Variants in SBF2 observed in about 807,000 individuals in gnomAD.
SBF2 encodes SET binding factor 2, also known as myotubularin-related protein 13.
A neutral mutation model predicts 225.2 loss-of-function variants in SBF2; 112 were observed. That is an observed-to-expected ratio of 0.50 (90% CI 0.43 to 0.58). The LOEUF (loss-of-function observed/expected upper bound fraction) is 0.58. SBF2 is among the 20% of genes least tolerant of loss of function. SBF2 has a pLI of 0.00. For synonymous variants in SBF2, 763 were observed against 773.3 expected, an observed-to-expected ratio of 0.99 and a Z score of 0.22; for missense variants, 1,996 against 2,206.2, an observed-to-expected ratio of 0.90 and a Z score of 1.91.
chr11:9,987,856 C>G (rs1023416791), intron 13 of SBF2, among the ~76,000 whole-genome samples: 1 of 152,116 alleles, frequency 6.6e-6, no homozygotes, highest in Non-Finnish European at 1.5e-5. Context: ...AAGCAATCTA[C>G]AAATTCAATG....
intron 1 of SBF2, among the ~76,000 whole-genome samples, chr11:10,260,094 A>G (rs1313173013): frequency 6.6e-6 from 1 of 152,220 alleles, no homozygotes; most frequent in Non-Finnish European, 1.5e-5. Flanking sequence ...CCTGCCTGAC[A>G]GCAAAATAGT....
At chr11:9,814,210 C>T (rs1854341157) in intron 29 of SBF2, among the ~76,000 whole-genome samples, 1 of 152,210 alleles carries the variant, frequency 6.6e-6, no homozygotes, top group African/African-American at 2.4e-5. Context: ...TCTAACTTTT[C>T]ATGCCAAAGA....
At chr11:10,051,033 T>C (rs1264244895) in intron 2 of SBF2, among the ~76,000 whole-genome samples, 16 of 152,156 alleles carry the variant, frequency 1.1e-4, no homozygotes, top group Admixed American at 1.0e-3. Context: ...AATGTGCCCA[T>C]TTTTCTCAAA....
chr11:10,202,630 C>CA (rs1006755826), intron 1 of SBF2, among the ~76,000 whole-genome samples: 1 of 151,696 alleles, frequency 6.6e-6, no homozygotes, highest in Non-Finnish European at 1.5e-5. Context: ...CTAAAAATAA[C>CA]AAAAAAAATT....
intron 2 of SBF2, among the ~76,000 whole-genome samples, chr11:10,088,549 C>T (rs1239599249): frequency 6.6e-6 from 1 of 152,024 alleles, no homozygotes; most frequent in African/African-American, 2.4e-5. Flanking sequence ...CTGCTTCTAC[C>T]CAAGGTAGGG....
intron 10 of SBF2, among the ~76,000 whole-genome samples, chr11:9,993,388 G>C (rs1947528088): frequency 1.3e-5 from 2 of 151,930 alleles, no homozygotes. Context: ...TTAAGTATAT[G>C]TGTTCAGCTC....
intron 1 of SBF2, among the ~76,000 whole-genome samples, chr11:10,254,770 G>A (rs1475841583): frequency 6.6e-6 from 1 of 151,164 alleles, no homozygotes; most frequent in Non-Finnish European, 1.5e-5. Flanking sequence ...TGGGCATGGT[G>A]GTGCATGCCT....
intron 17 of SBF2, among the ~76,000 whole-genome samples, chr11:9,871,240 C>T (rs568139713): frequency 4.5e-4 from 69 of 151,918 alleles, no homozygotes; most frequent in African/African-American, 1.5e-3. Flanking sequence ...TTTTTGCAAT[C>T]TATCCATCTG....
intron 2 of SBF2, among the ~76,000 whole-genome samples, chr11:10,073,778 C>T (rs1950986334): frequency 6.6e-6 from 1 of 152,016 alleles, no homozygotes; most frequent in South Asian, 2.1e-4. Context: ...CATATGTAGA[C>T]CTTGTTTGGA....
intron 2 of SBF2, among the ~76,000 whole-genome samples, chr11:10,163,818 T>C (rs12360783): frequency 0.22 from 33,535 of 152,060 alleles, 4,292 homozygotes; most frequent in Non-Finnish European, 0.3. Context: ...AAAAGAGGTA[T>C]AGAGCCTTTA....
At chr11:10,161,903 T>A (rs1287119964) in intron 2 of SBF2, among the ~76,000 whole-genome samples, 1 of 152,188 alleles carries the variant, frequency 6.6e-6, no homozygotes, top group African/African-American at 2.4e-5. Context: ...CAAGAGTGCT[T>A]GAGCCCAAAA....
intron 1 of SBF2, 72 bp from the exon 2 acceptor site, chr11:10,194,059 T>A: frequency 1.0e-6 from 1 of 962,878 alleles, no homozygotes; most frequent in Non-Finnish European, 1.7e-6. Context: ...TACTCTTACT[T>A]ATTTCTAAAT....
intron 2 of SBF2, among the ~76,000 whole-genome samples, chr11:10,151,934 T>C (rs896611285): frequency 4.9e-4 from 74 of 152,216 alleles, no homozygotes; most frequent in Non-Finnish European, 1.5e-4. Context: ...CACATACTTT[T>C]ATAGCTATCA....
chr11:9,919,252 TTTCTTC>T (rs138931178), intron 16 of SBF2, among the ~76,000 whole-genome samples: 7 of 143,218 alleles, frequency 4.9e-5, no homozygotes, highest in Middle Eastern at 3.7e-3. Flanking sequence ...TAGCCTCTCC[TTTCTTC>T]TTCTTCTTCT....
intron 32 of SBF2, among the ~76,000 whole-genome samples, chr11:9,797,732 G>A (rs391304): frequency 0.88 from 133,658 of 152,254 alleles, 58,937 homozygotes; most frequent in Non-Finnish European, 0.9. Flanking sequence ...CACCTTTGGG[G>A]GACCAAGGTG....
intron 17 of SBF2, among the ~76,000 whole-genome samples, chr11:9,876,002 GAAGAA>G (rs1254398841): frequency 6.6e-6 from 1 of 151,866 alleles, no homozygotes; most frequent in East Asian, 1.9e-4. Context: ...AAGATAAACG[GAAGAA>G]AAGAAACATA....
chr11:9,875,564 A>C (rs982670100), intron 17 of SBF2, among the ~76,000 whole-genome samples: 4 of 152,214 alleles, frequency 2.6e-5, no homozygotes, highest in Non-Finnish European at 5.9e-5. Context: ...CCATAACAGG[A>C]TAGAAAGACC....
chr11:10,263,054 C>T (rs754317819), intron 1 of SBF2, among the ~76,000 whole-genome samples: 40 of 151,894 alleles, frequency 2.6e-4, no homozygotes, highest in Non-Finnish European at 4.4e-4. Context: ...TGTACTACTT[C>T]CCTGTTTTAA....
intron 2 of SBF2, among the ~76,000 whole-genome samples, chr11:10,045,923 C>T (rs546082178): frequency 6.6e-6 from 1 of 151,926 alleles, no homozygotes; most frequent in South Asian, 2.1e-4. Context: ...TCTGTGGGTT[C>T]TACATCTGTG....
Sources: gnomAD v4.1 joint callset for allele counts (sites outside exome capture counted in the v4.1 genomes callset) on GRCh38, gnomAD v4.1.1 for gene constraint, MANE v1.5 for transcripts, NCBI Gene and HGNC (gene_info 2026-07-23, HGNC 2026-07-21) for gene names.